CDKAL1: variants seen among roughly 807,000 people sequenced by gnomAD.
CDKAL1 encodes the protein CDKAL1 threonylcarbamoyladenosine tRNA methylthiotransferase, also known as threonylcarbamoyladenosine tRNA methylthiotransferase.
A neutral mutation model predicts 68.2 loss-of-function variants in CDKAL1; 32 were observed. The observed-to-expected ratio is 0.47, with a 90% CI of 0.35 to 0.63. The LOEUF is 0.63. Ranked by LOEUF, CDKAL1 falls within the 30% of genes least tolerant of loss-of-function variation. The pLI is 0.00. For missense variants in CDKAL1, 606 were observed against 696.7 expected (o/e 0.87, Z 1.47); for synonymous variants, 234 against 244.3 (o/e 0.96, Z 0.39).
intron 7 of CDKAL1, among the ~76,000 whole-genome samples, chr6:20,765,625 TTAGA>T (rs1191956602): frequency 6.6e-6 from 1 of 152,192 alleles, no homozygotes; most frequent in Non-Finnish European, 1.5e-5. Flanking sequence ...TCTCTCTCTC[TTAGA>T]TAGCATTTTT....
At chr6:21,067,890 G>A (rs1771541943) in intron 12 of CDKAL1, among the ~76,000 whole-genome samples, 1 of 152,120 alleles carries the variant, frequency 6.6e-6, no homozygotes, top group African/African-American at 2.4e-5. Context: ...CATTCTTAAT[G>A]TTAGCCATTC....
intron 8 of CDKAL1, among the ~76,000 whole-genome samples, chr6:20,786,587 T>A (rs1285973002): frequency 1.5e-5 from 2 of 136,822 alleles, no homozygotes; most frequent in Non-Finnish European, 3.1e-5. Flanking sequence ...AAGCTCCGCC[T>A]CCCGGGTTCA....
chr6:20,775,628 CT>C (rs1775140269), intron 7 of CDKAL1, among the ~76,000 whole-genome samples: 1 of 152,214 alleles, frequency 6.6e-6, no homozygotes, highest in South Asian at 2.1e-4. Flanking sequence ...TCCTTGTCCT[CT>C]CTCCTTTTCT....
At chr6:20,558,056 G>T (rs538354663) in intron 4 of CDKAL1, among the ~76,000 whole-genome samples, 1 of 152,184 alleles carries the variant, frequency 6.6e-6, no homozygotes, top group Non-Finnish European at 1.5e-5. Context: ...AGATTATTAA[G>T]TTCTAATATT....
intron 8 of CDKAL1, among the ~76,000 whole-genome samples, chr6:20,788,525 A>G (rs1370499163): frequency 1.3e-5 from 2 of 152,160 alleles, no homozygotes; most frequent in Admixed American, 6.5e-5. Flanking sequence ...CATTGGAAAG[A>G]GCTCTGCACT....
At chr6:20,547,285 G>T (rs1347787958) in intron 3 of CDKAL1, among the ~76,000 whole-genome samples, 1 of 152,168 alleles carries the variant, frequency 6.6e-6, no homozygotes, top group Non-Finnish European at 1.5e-5. Context: ...CTAGAAGATA[G>T]CCTCGGGCAA....
At position 20,861,674 on chromosome 6, in the gene CDKAL1, T is replaced by TG. The variant is rs1266741969; in HGVS notation, c.742+15497dup. ...TGACAGCTGGCTTGCACATGTGTCT[T>TG]GCTTTGGCTAGCAGTACATTAGAAA... On this transcript the variant is annotated intron_variant, in intron 9 of 15. Coordinates refer to ENST00000274695, the MANE Select transcript of CDKAL1 (RefSeq NM_017774.3). Among the ~76,000 whole-genome samples the TG allele has an allele frequency of 2.0e-5, 3 of 152,224 alleles. No homozygotes were observed. The East Asian group carries it at 5.8e-4, about 29-fold the overall frequency.
chr6:20,831,715 A>T (rs1220253615), intron 8 of CDKAL1, among the ~76,000 whole-genome samples: 1 of 152,160 alleles, frequency 6.6e-6, no homozygotes, highest in East Asian at 1.9e-4. Context: ...TCACAATCTG[A>T]TCAAGAAATG....
intron 1 of CDKAL1, 192 bp from the exon 2 acceptor site, chr6:20,535,159 G>T (rs1017931551): frequency 1.3e-5 from 2 of 152,260 alleles, no homozygotes; most frequent in African/African-American, 2.4e-5. Context: ...CCAGACACTG[G>T]ATCACCGTCA....
intron 5 of CDKAL1, among the ~76,000 whole-genome samples, chr6:20,686,765 C>A (rs9368222): frequency 0.25 from 38,568 of 151,852 alleles, 5,125 homozygotes; most frequent in East Asian, 0.38. Context: ...TGTCTTTGTT[C>A]GTGATTTTAG....
At chr6:20,895,095 T>A (rs987217442) in intron 9 of CDKAL1, among the ~76,000 whole-genome samples, 1 of 152,208 alleles carries the variant, frequency 6.6e-6, no homozygotes, top group Non-Finnish European at 1.5e-5. Flanking sequence ...TTTTGTAAGT[T>A]TATAATATTA....
At chr6:21,164,609 T>C (rs967518798) in intron 13 of CDKAL1, among the ~76,000 whole-genome samples, 8 of 152,204 alleles carry the variant, frequency 5.3e-5, no homozygotes, top group Non-Finnish European at 1.2e-4. Flanking sequence ...AATCCATCCA[T>C]GATGGTCAAG....
intron 9 of CDKAL1, among the ~76,000 whole-genome samples, chr6:20,924,888 C>T (rs79710077): frequency 0.022 from 3,380 of 152,304 alleles, 132 homozygotes; most frequent in African/African-American, 0.077. Flanking sequence ...GATGCCATCT[C>T]GGACTTTTGT....
intron 13 of CDKAL1, among the ~76,000 whole-genome samples, chr6:21,126,408 GT>G (rs1462845689): frequency 6.6e-6 from 1 of 152,206 alleles, no homozygotes; most frequent in African/African-American, 2.4e-5. Context: ...CAATGTGTGT[GT>G]TGTGTTGCTT....
At chr6:20,642,646 C>G (rs1245504572) in intron 4 of CDKAL1, among the ~76,000 whole-genome samples, 1 of 152,092 alleles carries the variant, frequency 6.6e-6, no homozygotes, top group East Asian at 1.9e-4. Flanking sequence ...GTAAAGGGCA[C>G]TCACAGGCCC....
At chr6:20,681,030 T>C (rs146391371) in intron 5 of CDKAL1, among the ~76,000 whole-genome samples, 1 of 152,344 alleles carries the variant, frequency 6.6e-6, no homozygotes, top group East Asian at 1.9e-4. Flanking sequence ...ATGTGAACAA[T>C]GAAAACACAG....
intron 4 of CDKAL1, among the ~76,000 whole-genome samples, chr6:20,637,399 C>T (rs2127747736): frequency 6.6e-6 from 1 of 152,128 alleles, no homozygotes; most frequent in Non-Finnish European, 1.5e-5. Context: ...CCCACCTCAA[C>T]TAAAAATACA....
intron 11 of CDKAL1, among the ~76,000 whole-genome samples, chr6:21,046,027 G>A (rs1770208982): frequency 6.6e-6 from 1 of 152,170 alleles, no homozygotes; most frequent in South Asian, 2.1e-4. Context: ...TTATTGTTGT[G>A]TGACATTGGG....
At chr6:20,576,430 T>G (rs138234800) in intron 4 of CDKAL1, among the ~76,000 whole-genome samples, 1 of 152,200 alleles carries the variant, frequency 6.6e-6, no homozygotes, top group Non-Finnish European at 1.5e-5. Flanking sequence ...AGGAGAACAA[T>G]TGGTGTTTCA....
Sources: allele counts gnomAD v4.1 joint callset (sites outside exome capture counted in the v4.1 genomes callset), GRCh38; gene constraint gnomAD v4.1.1; transcripts MANE v1.5; gene names NCBI Gene and HGNC (gene_info 2026-07-23, HGNC 2026-07-21).